The following POLR2F variants were observed in gnomAD, a reference collection of about 807,000 sequenced individuals.
POLR2F encodes the protein DNA-directed RNA polymerases I, II, and III subunit RPABC2.
A neutral mutation model predicts 22.7 loss-of-function variants in POLR2F; 12 were observed. The observed-to-expected ratio is 0.53, with a 90% confidence interval of 0.34 to 0.86. The LOEUF (loss-of-function observed/expected upper bound fraction) is 0.86. Ranked by LOEUF, POLR2F falls within the 40% of genes least tolerant of loss-of-function variation. The probability of loss-of-function intolerance (pLI) is 0.02; values close to 1 mark genes in which losing one functional copy is unlikely to be tolerated. For synonymous variants in POLR2F, 57 were observed against 66.0 expected (o/e 0.86, Z 0.66); for missense variants, 126 against 171.5 (o/e 0.73, Z 1.48).
chr22:37,970,474 G>A (rs1432449549), downstream of POLR2F, among the ~76,000 whole-genome samples: 1 of 151,050 alleles, frequency 6.6e-6, no homozygotes, highest in Non-Finnish European at 1.5e-5. Context: ...GGGCGTGGTG[G>A]TGCACACCTG....
intron 3 of POLR2F, among the ~76,000 whole-genome samples, chr22:37,964,641 G>A (rs1358991460): frequency 7.3e-6 from 1 of 137,324 alleles, no homozygotes; most frequent in Non-Finnish European, 1.5e-5. Flanking sequence ...GCATGATCTT[G>A]GCTGATTGCA....
chr22:38,026,926 C>T (rs2145826704), downstream of POLR2F, among the ~76,000 whole-genome samples: 1 of 152,248 alleles, frequency 6.6e-6, no homozygotes, highest in Non-Finnish European at 1.5e-5. Flanking sequence ...GCCCCAGCTC[C>T]CCCTCCCAGC....
In POLR2F at chr22:38,016,628, T is replaced by G. The variant is rs2084917691; in HGVS notation, c.121-9241T>G. The stretch of plus-strand genomic sequence containing the variant: ...CACCATTCTAAGTGCAACAAATCCC[T>G]CTATTGTGTTCCTGGTTTATCTGGT... On this transcript the variant is annotated intron_variant, in intron 1 of 2. Coordinates refer to the POLR2F transcript ENST00000333418. This position sits in a 1 kb window ranked among gnomAD's most constrained non-coding sequence, Gnocchi z 4.4. Among the ~76,000 whole-genome samples, 1 of 152,004 alleles carries G rather than the reference T, an allele frequency of 6.6e-6. No homozygotes were observed. Among genetic ancestry groups the G allele is most frequent in the Non-Finnish European group, 1.5e-5 (1 of 68,006 alleles).
intron 2 of POLR2F, 38 bp from the exon 3 acceptor site, chr22:37,959,308 C>T (rs1931527981): frequency 1.2e-6 from 2 of 1,607,720 alleles, no homozygotes; most frequent in Non-Finnish European, 1.7e-6. Context: ...CCAAAAGTGC[C>T]ACCTGAGTCT....
chr22:38,019,813 G>A (rs1381732339), intron 1 of POLR2F, among the ~76,000 whole-genome samples: 3 of 152,170 alleles, frequency 2.0e-5, no homozygotes, highest in South Asian at 2.1e-4. Context: ...TTAGGAGTTC[G>A]AGACCAGCCT....
At chr22:38,033,913 A>C (rs536436483) in intron 5 of POLR2F, among the ~76,000 whole-genome samples, 2 of 152,094 alleles carry the variant, frequency 1.3e-5, no homozygotes, top group Non-Finnish European at 2.9e-5. Flanking sequence ...TGCTGACTCT[A>C]AGTTTGCTGC....
chr22:37,970,275 CAG>C (rs1231345791), downstream of POLR2F, among the ~76,000 whole-genome samples: 1 of 127,228 alleles, frequency 7.9e-6, no homozygotes, highest in Non-Finnish European at 1.6e-5. Context: ...GCCTGGGCGA[CAG>C]AGAGAGACTC....
intron 5 of POLR2F, among the ~76,000 whole-genome samples, chr22:38,033,644 C>T (rs73417898): frequency 0.025 from 3,807 of 152,328 alleles, 155 homozygotes; most frequent in African/African-American, 0.087. Flanking sequence ...CTGGCCCCGG[C>T]GGAGCGGGAG....
downstream of POLR2F, chr22:37,973,355 C>T (rs1026166212): frequency 1.1e-5 from 7 of 632,246 alleles, no homozygotes; most frequent in Non-Finnish European, 1.9e-5. Flanking sequence ...GTGAGCCAGA[C>T]AGAAAGCCCC....
At position 37,980,362 on chromosome 22, in the gene POLR2F, TTGCCCCC is replaced by T. The variant is rs1932360406; in HGVS notation, c.293+13198_293+13204del. 6.6e-6 allele frequency among the ~76,000 whole-genome samples: 1 copy of T among 152,118 alleles called. No homozygotes were observed. Among genetic ancestry groups the T allele is most frequent in the African/African-American group, 2.4e-5 (1 of 41,416 alleles). ...GCTCACTCTTTCACCTATCCTTCCC[TTGCCCCC>T]TGCCCAGCTGGCAGCCAGCATCAGC... On this transcript the variant is annotated intron_variant, in intron 4 of 4. Coordinates refer to the POLR2F transcript ENST00000405557. This position sits in a 1 kb window ranked among gnomAD's most constrained non-coding sequence, Gnocchi z 4.1.
chr22:37,956,678 A>C, intron 1 of POLR2F, 95 bp from the exon 2 acceptor site: 1 of 1,007,388 alleles, frequency 9.9e-7, no homozygotes, highest in South Asian at 1.3e-5. Context: ...CAATCTCCGA[A>C]AGTACCAGGA....
rs3026651 is a variant in POLR2F, at chr22:37,989,872, C to T, written c.120+3560C>T. ...GGGCCTGCTCCACCTTCCCCTGGAG[C>T]GCTGTCCTCCCTCTGCCTGCTGGCG... On this transcript the variant is annotated intron_variant, in intron 1 of 2. Coordinates refer to the POLR2F transcript ENST00000333418. Among the ~76,000 whole-genome samples the T allele has an allele frequency of 7.1e-3, 1,075 of 152,314 alleles. 9 individuals carry two copies. Among genetic ancestry groups the T allele is most frequent in the Non-Finnish European group, 0.011 (754 of 68,018 alleles).
At chr22:38,034,686 T>A (rs571262636) in intron 5 of POLR2F, among the ~76,000 whole-genome samples, 1 of 152,134 alleles carries the variant, frequency 6.6e-6, no homozygotes, top group East Asian at 1.9e-4. Context: ...TGGGACAGAA[T>A]GAACTAATCC....
upstream of POLR2F, chr22:37,986,007 G>GGC: frequency 1.5e-6 from 2 of 1,298,056 alleles, no homozygotes; most frequent in Non-Finnish European, 1.0e-6. This position sits in a 1 kb window ranked among gnomAD's most constrained non-coding sequence, Gnocchi z 4.7. Context: ...CCCCGGCGCT[G>GGC]CCAACCCTCC....
chr22:38,038,841 C>G (rs929255178), intron 5 of POLR2F, among the ~76,000 whole-genome samples: 3 of 149,652 alleles, frequency 2.0e-5, no homozygotes, highest in Admixed American at 6.6e-5. Flanking sequence ...GCGGCCGCGG[C>G]GCCCTCCCTC....
Position 38,016,807 on chromosome 22 carries a change from T to C in POLR2F, c.121-9062T>C, listed in dbSNP as rs1291445653. Among the ~76,000 whole-genome samples the C allele has an allele frequency of 6.7e-6, 1 of 149,218 alleles. No individual in the cohort carries two copies. Among genetic ancestry groups the C allele is most frequent in the African/African-American group, 2.5e-5 (1 of 40,496 alleles). On this transcript the variant is annotated intron_variant, in intron 1 of 2. Transcript: ENST00000333418. This position sits in a 1 kb window ranked among gnomAD's most constrained non-coding sequence, Gnocchi z 4.4. Reference sequence around the variant, plus strand: ...GCTTTTTGTTTCTACTGTAATGACATGTTGGAATAGAGAGAGAGAGAGAAG... The same window carrying C: ...GCTTTTTGTTTCTACTGTAATGACACGTTGGAATAGAGAGAGAGAGAGAAG...
At chr22:38,025,570 C>T (rs1015449259) in intron 1 of POLR2F, 6 of 1,496,336 alleles carry the variant, frequency 4.0e-6, no homozygotes, top group Non-Finnish European at 5.3e-6. Context: ...CCATCTCTCT[C>T]ATTTCCAGAC....
intron 5 of POLR2F, among the ~76,000 whole-genome samples, chr22:38,036,704 G>A (rs1344952022): frequency 6.6e-6 from 1 of 151,786 alleles, no homozygotes; most frequent in African/African-American, 2.4e-5. Context: ...TGTTGCGATG[G>A]AGTTCAGACC....
chr22:38,024,271 T>C (rs1442219848), intron 1 of POLR2F, among the ~76,000 whole-genome samples: 1 of 152,232 alleles, frequency 6.6e-6, no homozygotes, highest in East Asian at 1.9e-4. Flanking sequence ...GTGGCGTGTG[T>C]CAGAATTTTC....
Sources: allele counts gnomAD v4.1 joint callset (sites outside exome capture counted in the v4.1 genomes callset), GRCh38; gene constraint gnomAD v4.1.1; non-coding constraint Gnocchi (gnomAD v3.1); transcripts MANE v1.5; gene names NCBI Gene and HGNC (gene_info 2026-07-23, HGNC 2026-07-21).